VPS8: variants seen among roughly 807,000 people sequenced by gnomAD.
VPS8 encodes the protein vacuolar protein sorting-associated protein 8 homolog.
In VPS8, 129 loss-of-function variants were observed where a neutral mutation model predicts 216.4. That is an observed-to-expected ratio of 0.60 (90% CI 0.52 to 0.69). VPS8 has a LOEUF of 0.69. Ranked by LOEUF, VPS8 falls within the 30% of genes least tolerant of loss-of-function variation. VPS8 has a pLI of 0.00. For synonymous variants in VPS8, 571 were observed against 565.4 expected (o/e 1.01, Z -0.14); for missense variants, 1,531 against 1,683.5 (o/e 0.91, Z 1.59).
Position 185,006,809 on chromosome 3 carries a change from C to A in VPS8, c.4002+6948C>A, listed in dbSNP as rs182510377. Among the ~76,000 whole-genome samples, 5 of 149,404 alleles carry A rather than the reference C, an allele frequency of 3.3e-5. No homozygotes were observed. In the Admixed American group the frequency reaches 3.4e-4, roughly 10 times the overall value. On this transcript the variant is annotated intron_variant, in intron 45 of 47. Transcript: ENST00000625842. Reference sequence around the variant, plus strand: ...GAAGATGGTGAATGCATTGGAATCCCCTCACTGCCTTTGTAATGCAGTCCT... The same window carrying A: ...GAAGATGGTGAATGCATTGGAATCCACTCACTGCCTTTGTAATGCAGTCCT...
chr3:185,013,571 G>A (rs1323470290), intron 45 of VPS8, among the ~76,000 whole-genome samples: 3 of 152,178 alleles, frequency 2.0e-5, no homozygotes, highest in Admixed American at 2.0e-4. Context: ...TTTTGCAATA[G>A]CCGAAGACAA....
intron 35 of VPS8, among the ~76,000 whole-genome samples, chr3:184,937,451 T>G (rs149601412): frequency 1.3e-5 from 2 of 152,246 alleles, no homozygotes; most frequent in Non-Finnish European, 2.9e-5. Context: ...TGCTCTACTC[T>G]CTACCAGTGT....
intron 34 of VPS8, among the ~76,000 whole-genome samples, chr3:184,933,527 TTGTGTG>T (rs35601004): frequency 1.7e-4 from 26 of 150,166 alleles, no homozygotes; most frequent in Middle Eastern, 3.4e-3. Flanking sequence ...CTTTCGATCT[TTGTGTG>T]TGTGTGTGTG....
chr3:184,880,970 A>T (rs1730165109), intron 21 of VPS8, among the ~76,000 whole-genome samples: 1 of 152,066 alleles, frequency 6.6e-6, no homozygotes, highest in South Asian at 2.1e-4. Context: ...CTTTTGTGAA[A>T]TGTTTCTGCA....
intron 26 of VPS8, 30 bp downstream of exon 26, chr3:184,913,591 G>T: frequency 6.6e-7 from 1 of 1,514,006 alleles, no homozygotes; most frequent in East Asian, 2.3e-5. Flanking sequence ...TCATCTGCAT[G>T]TATGTTCTTT....
chr3:184,924,936 A>G lies in VPS8; in HGVS notation c.2529A>G (p.Ala843=). 1 of 1,613,822 alleles carries G rather than the reference A, an allele frequency of 6.2e-7. No individual in the cohort carries two copies. The highest frequency in any genetic ancestry group is 1.3e-5 in the African/African-American group (1 of 75,014). The change falls in exon 30 of 48, where the codon GCA becomes GCG. Residue 843 remains alanine, a synonymous_variant. Coordinates refer to ENST00000625842, the MANE Select transcript of VPS8 (RefSeq NM_001009921.3). ...CLFTFLARQL[A]KPDNTLFVNR... Reference sequence around the variant, plus strand: ...TTACCTTCCTTGCTCGGCAGCTTGCAAAGCCTGACAACACCTTGTTTGTAA... The same window carrying G: ...TTACCTTCCTTGCTCGGCAGCTTGCGAAGCCTGACAACACCTTGTTTGTAA...
chr3:184,928,319 C>G, intron 31 of VPS8, 132 bp from the exon 32 acceptor site: 1 of 722,780 alleles, frequency 1.4e-6, no homozygotes, highest in Non-Finnish European at 2.1e-6. Context: ...CCATATGTGA[C>G]AGCAAGCCAA....
In VPS8 at chr3:184,900,915, A is replaced by G; in HGVS notation, c.2095-6A>G. On this transcript the variant is annotated splice_region_variant and splice_polypyrimidine_tract_variant and intron_variant, in intron 24 of 47. Coordinates refer to ENST00000625842, the MANE Select transcript of VPS8 (RefSeq NM_001009921.3). ...GATGATTGTTTTCCTATTAATTTTA[A>G]TGCAGAAACTTTTCAGAGTCATTGC... The G allele has an allele frequency of 6.2e-7, 1 of 1,600,842 alleles. No individual in the cohort carries two copies. Among genetic ancestry groups the G allele is most frequent in the Non-Finnish European group, 8.5e-7 (1 of 1,176,212 alleles).
At chr3:184,827,902 A>C (rs1366461247) in intron 3 of VPS8, among the ~76,000 whole-genome samples, 2 of 152,200 alleles carry the variant, frequency 1.3e-5, no homozygotes, top group African/African-American at 4.8e-5. Flanking sequence ...CCAGGGAACC[A>C]GGCAAGTCGT....
intron 40 of VPS8, among the ~76,000 whole-genome samples, chr3:184,976,533 G>A (rs1749297720): frequency 6.6e-6 from 1 of 151,980 alleles, no homozygotes; most frequent in South Asian, 2.1e-4. Context: ...TTGCATGGTG[G>A]TGAGGTTTGG....
Position 184,936,318 on chromosome 3 carries a change from G to T in VPS8, c.2971G>T (p.Val991Phe). The change falls in exon 35 of 48, where the codon GTC (valine) becomes TTC (phenylalanine). Residue 991 changes from valine (V) to phenylalanine (F), a missense_variant. Physicochemically the swap from Val to Phe is conservative, Grantham distance 50. This residue lies in a region of VPS8 where 1,318 missense variants were observed against 1,468.4 expected (regional missense o/e 0.90). Transcript: ENST00000625842. ...ATHFSGHIET[V>F]IKKLQNQVLL... ...CCACTTTTCTGGACATATTGAAACG[G>T]TCATTAAAAAACTTCAGGTACATAT... is the stretch of plus-strand genomic sequence containing the variant. 1 of 1,610,552 alleles carries T rather than the reference G, an allele frequency of 6.2e-7. No homozygotes were observed. Among genetic ancestry groups the T allele is most frequent in the Non-Finnish European group, 8.5e-7 (1 of 1,178,386 alleles).
At chr3:185,015,652 A>G (rs941983582) in intron 45 of VPS8, among the ~76,000 whole-genome samples, 4 of 152,204 alleles carry the variant, frequency 2.6e-5, no homozygotes, top group African/African-American at 7.2e-5. Flanking sequence ...AATTTCAAAA[A>G]TTGAAAGTTT....
chr3:184,859,848 A>G (rs1725942318), intron 14 of VPS8, 137 bp from the exon 15 acceptor site: 1 of 576,820 alleles, frequency 1.7e-6, no homozygotes, highest in Non-Finnish European at 3.1e-6. Context: ...CATTTGTGTA[A>G]TTATCAGTAT....
intron 40 of VPS8, among the ~76,000 whole-genome samples, chr3:184,980,632 T>C (rs772204983): frequency 6.6e-6 from 1 of 152,238 alleles, no homozygotes; most frequent in African/African-American, 2.4e-5. Context: ...CCAATTGTAT[T>C]ACATGATTCT....
At chr3:184,999,937 C>T (rs1309382416) in intron 45 of VPS8, 76 bp downstream of exon 45, 35 of 1,473,266 alleles carry the variant, frequency 2.4e-5, no homozygotes, top group East Asian at 1.7e-4. Context: ...TCATTTCCTT[C>T]GGTTCCATAG....
At chr3:184,936,875 C>G (rs937715534) in intron 35 of VPS8, among the ~76,000 whole-genome samples, 3 of 151,858 alleles carry the variant, frequency 2.0e-5, no homozygotes, top group Admixed American at 2.0e-4. Flanking sequence ...GTAGCTGGGA[C>G]TACAGATGCC....
chr3:184,850,107 C>T (rs1385174009), intron 10 of VPS8, 85 bp downstream of exon 10: 7 of 1,102,132 alleles, frequency 6.4e-6, no homozygotes, highest in Non-Finnish European at 9.1e-6. Context: ...TGTTGATGAT[C>T]AGAGTCCAAA....
chr3:184,926,698 A>G, intron 31 of VPS8, 48 bp downstream of exon 31: 1 of 1,535,558 alleles, frequency 6.5e-7, no homozygotes, highest in Non-Finnish European at 8.8e-7. Flanking sequence ...AAAGAAGAGT[A>G]AGCCAGAAAG....
intron 36 of VPS8, among the ~76,000 whole-genome samples, chr3:184,947,686 C>G (rs1200587515): frequency 6.6e-6 from 1 of 152,104 alleles, no homozygotes; most frequent in Admixed American, 6.6e-5. Context: ...CTGGAGCAGT[C>G]AGCTGAGAAG....
Sources: allele counts gnomAD v4.1 joint callset (sites outside exome capture counted in the v4.1 genomes callset), GRCh38; gene constraint gnomAD v4.1.1; regional missense constraint gnomAD v4.1.1; transcripts MANE v1.5; gene names NCBI Gene and HGNC (gene_info 2026-07-23, HGNC 2026-07-21).